The following PPP1R12A variants were observed in gnomAD, a reference collection of about 807,000 sequenced individuals.
PPP1R12A encodes protein phosphatase 1 regulatory subunit 12A, also known as myosin binding subunit.
Under a neutral mutation model 139.6 loss-of-function variants are expected in PPP1R12A, and 19 were observed. The observed-to-expected ratio is 0.14, with a 90% confidence interval of 0.09 to 0.20. The LOEUF (loss-of-function observed/expected upper bound fraction) is 0.20, where lower values mean the gene tolerates loss of function less well. Ranked by LOEUF, PPP1R12A falls within the 10% of genes least tolerant of loss-of-function variation. The probability of loss-of-function intolerance (pLI) is 1.00; values close to 1 mark genes in which losing one functional copy is unlikely to be tolerated. For missense variants in PPP1R12A, 925 were observed against 1,211.5 expected, an observed-to-expected ratio of 0.76 and a Z score of 3.51; for synonymous variants, 427 against 420.6, an observed-to-expected ratio of 1.02 and a Z score of -0.19.
rs1470248384 is a variant in PPP1R12A at position 79,822,062 on chromosome 12, A to T, written c.867+54T>A. The T allele has an allele frequency of 4.0e-6, 5 of 1,262,524 alleles. No homozygotes were observed. The African/African-American group carries it at 4.5e-5, about 11-fold the overall frequency. 78.2% of individuals were successfully genotyped at this position (1,262,524 alleles called of 1,614,324 possible). A position where few individuals can be genotyped will look rare whatever the true frequency, so the allele number is the denominator to read the frequency against. ...CAAGAATACTTTTGTAATTGTCTCA[A>T]ATTCAAAATTATTAAGGTAAGTAAT... is the stretch of plus-strand genomic sequence containing the variant. On this transcript the variant is annotated intron_variant, in intron 6 of 24. Coordinates refer to ENST00000450142, the MANE Select transcript of PPP1R12A (RefSeq NM_002480.3).
Position 79,773,813 on chromosome 12 carries a change from C to G in PPP1R12A, c.*2116G>C, listed in dbSNP as rs1229560170. 2.0e-5 allele frequency: 3 copies of G among 152,104 alleles called. No homozygotes were observed. The highest frequency in any genetic ancestry group is 7.2e-5 in the African/African-American group (3 of 41,432). 9.4% of individuals were successfully genotyped at this position (152,104 alleles called of 1,614,324 possible). On this transcript the variant is annotated 3_prime_UTR_variant, in exon 25 of 25. Coordinates refer to ENST00000450142, the MANE Select transcript of PPP1R12A (RefSeq NM_002480.3). ...ATTTAAAATGTCTTCATTAAAAGTT[C>G]ACACATTTAAAATAGTTTTATTCAT...
intron 14 of PPP1R12A, among the ~76,000 whole-genome samples, chr12:79,801,841 A>T (rs1027054501): frequency 6.6e-6 from 1 of 152,148 alleles, no homozygotes; most frequent in East Asian, 1.9e-4. Context: ...TGCTGTTTCC[A>T]CATAATTACA....
At chr12:79,779,183 G>T in intron 23 of PPP1R12A, 1 of 593,642 alleles carries the variant, frequency 1.7e-6, no homozygotes, top group Non-Finnish European at 2.7e-6. Flanking sequence ...TTGTTTCAAA[G>T]AGTGACAGGC....
At chr12:79,827,060 C>A (rs566403028) in intron 5 of PPP1R12A, among the ~76,000 whole-genome samples, 1 of 152,082 alleles carries the variant, frequency 6.6e-6, no homozygotes, top group Non-Finnish European at 1.5e-5. Flanking sequence ...ACACGACTTG[C>A]GAAGCTAAAA....
chr12:79,897,915 T>C (rs374682725), intron 1 of PPP1R12A, among the ~76,000 whole-genome samples: 21 of 152,320 alleles, frequency 1.4e-4, no homozygotes, highest in African/African-American at 4.8e-4. Flanking sequence ...ATACCATTAA[T>C]TTGCTCTGTT....
intron 1 of PPP1R12A, among the ~76,000 whole-genome samples, chr12:79,929,701 G>A (rs376287167): frequency 6.6e-6 from 1 of 151,954 alleles, no homozygotes; most frequent in South Asian, 2.1e-4. Flanking sequence ...CCTGGGCGGC[G>A]GAGTTTGCAG....
At chr12:79,818,200 G>C (rs1224332154) in intron 8 of PPP1R12A, among the ~76,000 whole-genome samples, 2 of 152,144 alleles carry the variant, frequency 1.3e-5, no homozygotes, top group Non-Finnish European at 2.9e-5. Flanking sequence ...AGTCTAGTAG[G>C]AGATATAAAT....
intron 18 of PPP1R12A, among the ~76,000 whole-genome samples, chr12:79,795,394 C>A (rs988702463): frequency 1.6e-4 from 24 of 152,226 alleles, no homozygotes; most frequent in Non-Finnish European, 1.8e-4. Context: ...GCACTCTGAG[C>A]TTCAGACATT....
At chr12:79,812,387 T>TGTGC (rs1555202862) in intron 9 of PPP1R12A, among the ~76,000 whole-genome samples, 2 of 140,042 alleles carry the variant, frequency 1.4e-5, no homozygotes, top group African/African-American at 5.9e-5. Context: ...TGACTCTGTG[T>TGTGC]GTGCGTGTGT....
intron 17 of PPP1R12A, among the ~76,000 whole-genome samples, chr12:79,796,158 A>G (rs901038240): frequency 6.6e-6 from 1 of 152,154 alleles, no homozygotes; most frequent in African/African-American, 2.4e-5. Flanking sequence ...TACTACTGAT[A>G]TTATCATGAC....
At chr12:79,805,997 A>T (rs1873785063) in intron 13 of PPP1R12A, among the ~76,000 whole-genome samples, 169 bp downstream of exon 13, 1 of 152,190 alleles carries the variant, frequency 6.6e-6, no homozygotes, top group African/African-American at 2.4e-5. Context: ...GGAACTTAAA[A>T]TTTCCCCCAG....
intron 2 of PPP1R12A, among the ~76,000 whole-genome samples, chr12:79,867,032 C>A (rs1882045736): frequency 6.6e-6 from 1 of 152,116 alleles, no homozygotes; most frequent in Non-Finnish European, 1.5e-5. Flanking sequence ...ATGTTTATTG[C>A]AGCACTATTC....
chr12:79,919,516 C>G (rs1887270517), intron 1 of PPP1R12A, among the ~76,000 whole-genome samples: 1 of 150,910 alleles, frequency 6.6e-6, no homozygotes, highest in Non-Finnish European at 1.5e-5. Flanking sequence ...AATCACGCCA[C>G]TGCACTGCAG....
At chr12:79,888,894 A>C (rs989147638) in intron 1 of PPP1R12A, among the ~76,000 whole-genome samples, 4 of 152,160 alleles carry the variant, frequency 2.6e-5, no homozygotes, top group Non-Finnish European at 5.9e-5. Context: ...ACCCCAAAAC[A>C]ATTTGGTTCT....
At chr12:79,792,925 GATAAA>G (rs1237335174) in intron 19 of PPP1R12A, among the ~76,000 whole-genome samples, 1 of 152,092 alleles carries the variant, frequency 6.6e-6, no homozygotes, top group African/African-American at 2.4e-5. Flanking sequence ...GCCACCTAAA[GATAAA>G]ATAAAATTGT....
chr12:79,868,493 C>T (rs901384429), intron 2 of PPP1R12A, among the ~76,000 whole-genome samples: 30 of 152,292 alleles, frequency 2.0e-4, no homozygotes, highest in African/African-American at 6.7e-4. Flanking sequence ...TATTTTCTCA[C>T]AGTTCTGGTG....
At chr12:79,786,647 A>C in intron 21 of PPP1R12A, 169 bp from the exon 22 acceptor site, 2 of 478,312 alleles carry the variant, frequency 4.2e-6, no homozygotes, top group Non-Finnish European at 7.2e-6. Context: ...TTCGTTATGC[A>C]AGTGTGTTTG....
rs184091789 is a variant in PPP1R12A at position 79,926,521 on chromosome 12, C to T, written c.237+8174G>A. ...ATAAATGTTTTGATTGTAATAATGG[C>T]TACCTTTACATTGTAAGTATTATAA... On this transcript the variant is annotated intron_variant, in intron 1 of 24. Coordinates refer to ENST00000450142, the MANE Select transcript of PPP1R12A (RefSeq NM_002480.3). Among the ~76,000 whole-genome samples the T allele has an allele frequency of 2.0e-3, 310 of 152,244 alleles. 1 individual carries two copies. The highest frequency in any genetic ancestry group is 7.0e-3 in the African/African-American group (291 of 41,532).
intron 1 of PPP1R12A, among the ~76,000 whole-genome samples, chr12:79,907,409 A>G (rs1369438805): frequency 6.6e-6 from 1 of 152,196 alleles, no homozygotes; most frequent in African/African-American, 2.4e-5. Flanking sequence ...GATTTAGCCT[A>G]TACTAAAATA....
Sources: gnomAD v4.1 joint callset for allele counts (sites outside exome capture counted in the v4.1 genomes callset) on GRCh38, gnomAD v4.1.1 for gene constraint, MANE v1.5 for transcripts, NCBI Gene and HGNC (gene_info 2026-07-23, HGNC 2026-07-21) for gene names.